Variants in RAPGEF2 observed in about 807,000 individuals in gnomAD.
RAPGEF2 encodes the protein PDZ domain containing guanine nucleotide exchange factor (GEF) 1.
In RAPGEF2, 54 loss-of-function variants were observed where a neutral mutation model predicts 186.7. The observed-to-expected ratio is 0.29, with a 90% CI of 0.23 to 0.36. The LOEUF (loss-of-function observed/expected upper bound fraction) is 0.36, where lower values mean the gene tolerates loss of function less well. RAPGEF2 is among the 10% of genes least tolerant of loss of function. The probability of loss-of-function intolerance (pLI) is 1.00; values close to 1 mark genes in which losing one functional copy is unlikely to be tolerated. For missense variants in RAPGEF2, 1,532 were observed against 2,045.0 expected (o/e 0.75, Z 4.84); for synonymous variants, 712 against 705.9 (o/e 1.01, Z -0.14).
At chr4:159,165,740 C>T (rs1745237909) in intron 1 of RAPGEF2, among the ~76,000 whole-genome samples, 1 of 152,048 alleles carries the variant, frequency 6.6e-6, no homozygotes, top group African/African-American at 2.4e-5. Flanking sequence ...CTACAGGCGC[C>T]TACCCCAATG....
At chr4:159,217,206 G>A (rs745740420) in intron 4 of RAPGEF2, among the ~76,000 whole-genome samples, 3 of 152,062 alleles carry the variant, frequency 2.0e-5, no homozygotes, top group Non-Finnish European at 2.9e-5. Flanking sequence ...GGGGGTACAC[G>A]TGCAGGTTTG....
At chr4:159,261,363 A>G (rs1200503256) in intron 7 of RAPGEF2, among the ~76,000 whole-genome samples, 1 of 152,128 alleles carries the variant, frequency 6.6e-6, no homozygotes, top group East Asian at 1.9e-4. Flanking sequence ...CATCCAGCTG[A>G]AAAAGGTTAA....
chr4:159,207,420 G>GTCGATATTATTTTTGCCT (rs1750102553), intron 3 of RAPGEF2, among the ~76,000 whole-genome samples: 1 of 152,164 alleles, frequency 6.6e-6, no homozygotes, highest in African/African-American at 2.4e-5. Flanking sequence ...TGCTTAATTT[G>GTCGATATTATTTTTGCCT]TCGATATTAT....
intron 2 of RAPGEF2, among the ~76,000 whole-genome samples, chr4:159,188,163 C>G (rs1415442448): frequency 2.0e-5 from 3 of 152,042 alleles, no homozygotes; most frequent in Non-Finnish European, 2.9e-5. Context: ...ATTGTACTAA[C>G]AATTATTTAA....
At chr4:159,139,334 G>A (rs143124229) in intron 1 of RAPGEF2, among the ~76,000 whole-genome samples, 1,564 of 152,308 alleles carry the variant, frequency 0.01, 28 homozygotes, top group African/African-American at 0.035. Context: ...TCCATTAAGT[G>A]TTTCCATTAA....
At chr4:159,340,667 CCACACACACACA>C (rs3071283) in intron 19 of RAPGEF2, among the ~76,000 whole-genome samples, 23 of 76,868 alleles carry the variant, frequency 3.0e-4, no homozygotes, top group East Asian at 2.0e-3. Flanking sequence ...ACCACCATCA[CCACACACACACA>C]CACACACACA....
chr4:159,251,028 G>C (rs1035311434), intron 7 of RAPGEF2, among the ~76,000 whole-genome samples: 2 of 152,232 alleles, frequency 1.3e-5, no homozygotes, highest in Non-Finnish European at 2.9e-5. Flanking sequence ...TGGCCCGCCG[G>C]TGCTGCTGGC....
Position 159,133,834 on chromosome 4 carries a change from C to T in RAPGEF2, c.69+29603C>T, listed in dbSNP as rs558510803. ...TCCTGACCTTGTGATCCGCCCGCCT[C>T]GGCCTCCCAAAGTCCTGGGATTACA... On this transcript the variant is annotated intron_variant, in intron 1 of 29. Coordinates refer to ENST00000691494, the MANE Select transcript of RAPGEF2 (RefSeq NM_001394067.2). Among the ~76,000 whole-genome samples the T allele has an allele frequency of 5.8e-4, 89 of 152,246 alleles. 3 individuals are homozygous for T. The South Asian group carries it at 9.7e-3, about 17-fold the overall frequency.
At chr4:159,105,946 A>T (rs1324114005) in intron 1 of RAPGEF2, among the ~76,000 whole-genome samples, 1 of 152,240 alleles carries the variant, frequency 6.6e-6, no homozygotes, top group Admixed American at 6.5e-5. Flanking sequence ...TAGAAGAATA[A>T]CAATGACTAA....
chr4:159,150,688 G>C (rs557612684), intron 1 of RAPGEF2, among the ~76,000 whole-genome samples: 1 of 152,324 alleles, frequency 6.6e-6, no homozygotes, highest in South Asian at 2.1e-4. Flanking sequence ...TTGGTGCTCT[G>C]TGCATGTCCC....
intron 1 of RAPGEF2, among the ~76,000 whole-genome samples, chr4:159,167,583 T>C (rs1745460806): frequency 6.6e-6 from 1 of 152,202 alleles, no homozygotes; most frequent in Non-Finnish European, 1.5e-5. Flanking sequence ...CCTTTCCTTT[T>C]GTGATTTTTT....
At chr4:159,201,572 G>T (rs920546776) in intron 3 of RAPGEF2, among the ~76,000 whole-genome samples, 1 of 152,184 alleles carries the variant, frequency 6.6e-6, no homozygotes, top group Non-Finnish European at 1.5e-5. Context: ...ATATTTGAGA[G>T]CACAAGTCTA....
chr4:159,305,334 A>G (rs1187649262), intron 8 of RAPGEF2, among the ~76,000 whole-genome samples: 1 of 151,962 alleles, frequency 6.6e-6, no homozygotes, highest in East Asian at 1.9e-4. Flanking sequence ...CCACATCCTC[A>G]CCATCTGTTA....
In RAPGEF2 at chr4:159,276,987, A is replaced by T. The variant is rs138451996; in HGVS notation, c.544-27355A>T. On this transcript the variant is annotated intron_variant, in intron 7 of 29. Coordinates refer to ENST00000691494, the MANE Select transcript of RAPGEF2 (RefSeq NM_001394067.2). The stretch of plus-strand genomic sequence containing the variant: ...TGTGCACAACGTGCAGGTTTGTTAC[A>T]TATGTATACATGTGTCATATTGGTG... Among the ~76,000 whole-genome samples, 888 of 152,276 alleles carry T rather than the reference A, an allele frequency of 5.8e-3. 8 individuals are homozygous for T. The highest frequency in any genetic ancestry group is 0.02 in the African/African-American group (836 of 41,554).
At chr4:159,231,356 T>C (rs958420562) in intron 4 of RAPGEF2, among the ~76,000 whole-genome samples, 1 of 152,128 alleles carries the variant, frequency 6.6e-6, no homozygotes, top group African/African-American at 2.4e-5. Context: ...TATGTTAATA[T>C]ATATTATTAC....
intron 7 of RAPGEF2, among the ~76,000 whole-genome samples, chr4:159,271,398 A>C (rs958640812): frequency 6.6e-6 from 1 of 152,214 alleles, no homozygotes; most frequent in East Asian, 1.9e-4. Flanking sequence ...GGTAGTACAC[A>C]TAAGAAAGTG....
At chr4:159,298,391 G>A (rs913295293) in intron 7 of RAPGEF2, among the ~76,000 whole-genome samples, 18 of 152,256 alleles carry the variant, frequency 1.2e-4, no homozygotes, top group Non-Finnish European at 2.5e-4. Context: ...AATTACTGTG[G>A]TGAATAATAT....
intron 25 of RAPGEF2, among the ~76,000 whole-genome samples, chr4:159,348,307 G>T (rs1245079037): frequency 6.6e-6 from 1 of 152,034 alleles, no homozygotes; most frequent in African/African-American, 2.4e-5. Context: ...GATATAGAGA[G>T]ATAGATAGCA....
At chr4:159,117,410 G>A (rs764608339) in intron 1 of RAPGEF2, among the ~76,000 whole-genome samples, 2 of 152,078 alleles carry the variant, frequency 1.3e-5, no homozygotes, top group Non-Finnish European at 2.9e-5. Flanking sequence ...TAACATAATC[G>A]TCATCTGAGA....
Sources: gnomAD v4.1 joint callset for allele counts (sites outside exome capture counted in the v4.1 genomes callset) on GRCh38, gnomAD v4.1.1 for gene constraint, MANE v1.5 for transcripts, NCBI Gene and HGNC (gene_info 2026-07-23, HGNC 2026-07-21) for gene names.